Variants in PREP observed in about 807,000 individuals in gnomAD.
PREP encodes the protein prolyl endopeptidase.
PREP carries 29 observed loss-of-function variants against 87.6 expected under a neutral mutation model. The observed-to-expected ratio is 0.33, with a 90% CI of 0.25 to 0.45. The LOEUF is 0.45. PREP is among the 20% of genes least tolerant of loss of function. The pLI is 1.00. For missense variants in PREP, 695 were observed against 886.5 expected, an observed-to-expected ratio of 0.78 and a Z score of 2.74; for synonymous variants, 337 against 328.6, an observed-to-expected ratio of 1.03 and a Z score of -0.28.
At chr6:105,323,540 G>A in intron 10 of PREP, 125 bp downstream of exon 10, 7 of 860,812 alleles carry the variant, frequency 8.1e-6, no homozygotes, top group Non-Finnish European at 1.3e-5. Context: ...CGTCAACCGT[G>A]GGGGCTACAA....
intron 8 of PREP, among the ~76,000 whole-genome samples, chr6:105,329,730 C>T (rs1771272721): frequency 6.6e-6 from 1 of 152,224 alleles, no homozygotes; most frequent in Non-Finnish European, 1.5e-5. Flanking sequence ...AGATTCCCTG[C>T]AAAGTGCTAG....
chr6:105,380,272 G>C (rs917123587), intron 2 of PREP, among the ~76,000 whole-genome samples: 1 of 152,144 alleles, frequency 6.6e-6, no homozygotes, highest in Non-Finnish European at 1.5e-5. Flanking sequence ...TGGGAGTCCT[G>C]GCAGGGGGAA....
At chr6:105,306,156 TTTA>T (rs145473007) in intron 10 of PREP, among the ~76,000 whole-genome samples, 8,333 of 152,188 alleles carry the variant, frequency 0.055, 292 homozygotes, top group South Asian at 0.11. Flanking sequence ...TATATACCTT[TTTA>T]TTATCACCAG....
At chr6:105,386,105 C>A (rs1374816731) in intron 2 of PREP, among the ~76,000 whole-genome samples, 2 of 152,156 alleles carry the variant, frequency 1.3e-5, no homozygotes, top group East Asian at 3.9e-4. Flanking sequence ...GGTGACAGAG[C>A]AAGACTCCAT....
chr6:105,340,185 G>C (rs2114667744), intron 7 of PREP, among the ~76,000 whole-genome samples: 1 of 152,328 alleles, frequency 6.6e-6, no homozygotes, highest in South Asian at 2.1e-4. Flanking sequence ...CAGACTAAAA[G>C]CAGATCTCTC....
chr6:105,328,000 CG>C (rs1771216487), intron 9 of PREP, among the ~76,000 whole-genome samples: 1 of 152,076 alleles, frequency 6.6e-6, no homozygotes, highest in Non-Finnish European at 1.5e-5. Context: ...AAAATTAACC[CG>C]TACCATGAAA....
chr6:105,300,217 A>G (rs1216374625), intron 10 of PREP, among the ~76,000 whole-genome samples: 1 of 152,178 alleles, frequency 6.6e-6, no homozygotes, highest in East Asian at 1.9e-4. Context: ...ATTTTCTTAA[A>G]AAGGAGACTC....
chr6:105,358,615 A>G (rs371713105), intron 6 of PREP, among the ~76,000 whole-genome samples: 11 of 152,224 alleles, frequency 7.2e-5, no homozygotes, highest in South Asian at 4.1e-4. Flanking sequence ...CCACACCCCC[A>G]TGCTTCTTCT....
chr6:105,346,383 T>TTTATGG (rs1771798373), intron 7 of PREP, among the ~76,000 whole-genome samples: 1 of 152,230 alleles, frequency 6.6e-6, no homozygotes, highest in African/African-American at 2.4e-5. Context: ...CAGATTTCCT[T>TTTATGG]TTATGGTTAT....
At chr6:105,381,463 AG>A (rs1214993314) in intron 2 of PREP, among the ~76,000 whole-genome samples, 7 of 152,230 alleles carry the variant, frequency 4.6e-5, no homozygotes, top group Non-Finnish European at 2.9e-5. Flanking sequence ...ATAAAAATAA[AG>A]AAAAAGAAAA....
At chr6:105,285,160 A>G (rs1481825687) in intron 12 of PREP, among the ~76,000 whole-genome samples, 1 of 152,206 alleles carries the variant, frequency 6.6e-6, no homozygotes, top group Non-Finnish European at 1.5e-5. Flanking sequence ...CAGAATAAAT[A>G]CCAAAAAGCT....
At chr6:105,339,931 G>A (rs1317424936) in intron 7 of PREP, among the ~76,000 whole-genome samples, 1 of 152,214 alleles carries the variant, frequency 6.6e-6, no homozygotes, top group Non-Finnish European at 1.5e-5. Context: ...GTACCAGAAA[G>A]TGATGAGGAG....
chr6:105,369,857 C>G (rs975427472), intron 5 of PREP, among the ~76,000 whole-genome samples: 2 of 152,088 alleles, frequency 1.3e-5, no homozygotes, highest in African/African-American at 4.8e-5. Context: ...AAAAACTAGG[C>G]CAAAGGCCTT....
chr6:105,302,519 C>G (rs1770558835), intron 10 of PREP: 1 of 394,568 alleles, frequency 2.5e-6, no homozygotes, highest in African/African-American at 2.1e-5. Flanking sequence ...GCTTGGTCTT[C>G]AGGTTCTCCT....
intron 6 of PREP, among the ~76,000 whole-genome samples, chr6:105,366,789 A>G (rs1583086263): frequency 6.6e-6 from 1 of 152,370 alleles, no homozygotes; most frequent in Admixed American, 6.5e-5. Context: ...AAGATGGCTG[A>G]AGCTTGAAGA....
chr6:105,286,456 A>C (rs1178119498), intron 11 of PREP, among the ~76,000 whole-genome samples: 1 of 152,192 alleles, frequency 6.6e-6, no homozygotes, highest in Non-Finnish European at 1.5e-5. Flanking sequence ...CTATAGCACA[A>C]ACCCTCTAGG....
At chr6:105,380,829 G>A (rs1298488420) in intron 2 of PREP, among the ~76,000 whole-genome samples, 1 of 152,172 alleles carries the variant, frequency 6.6e-6, no homozygotes, top group Non-Finnish European at 1.5e-5. Flanking sequence ...ATTTGCATGA[G>A]GCTGCACTTA....
At position 105,278,357 on chromosome 6, in the gene PREP, A is replaced by G. The variant is rs1289364353; in HGVS notation, c.1920T>C (p.His640=). ...AGTGAAGCGGGACCACGCGGTCATCATGGTCAGCAGTGAGGAGCAGCATGG... is the reference window on the plus strand; with the variant it reads ...AGTGAAGCGGGACCACGCGGTCATCGTGGTCAGCAGTGAGGAGCAGCATGG... ...YPSMLLLTAD[H]DDRVVPLHSL... The change falls in exon 15 of 15, where the codon CAT becomes CAC. Residue 640 remains histidine (H), a synonymous_variant. Transcript: ENST00000652536. This position sits in a 1 kb window ranked among gnomAD's most constrained non-coding sequence, Gnocchi z 4.2. 6.2e-7 allele frequency: 1 copy of G among 1,614,184 alleles called. No homozygotes were observed. Among genetic ancestry groups the G allele is most frequent in the East Asian group, 2.2e-5 (1 of 44,882 alleles).
chr6:105,366,887 A>G (rs1414476752), intron 6 of PREP, among the ~76,000 whole-genome samples: 3 of 152,234 alleles, frequency 2.0e-5, no homozygotes. Context: ...GTCAAATACA[A>G]AGGGACAGAA....
Sources: allele counts gnomAD v4.1 joint callset (sites outside exome capture counted in the v4.1 genomes callset), GRCh38; gene constraint gnomAD v4.1.1; non-coding constraint Gnocchi (gnomAD v3.1); transcripts MANE v1.5; gene names NCBI Gene and HGNC (gene_info 2026-07-23, HGNC 2026-07-21).